TRIM14: variants seen among roughly 807,000 people sequenced by gnomAD.
TRIM14 encodes tripartite motif-containing protein 14.
A neutral mutation model predicts 44.5 loss-of-function variants in TRIM14; 28 were observed. The ratio of observed to expected loss-of-function variants is 0.63; its 90% CI spans 0.47 to 0.86. The LOEUF (loss-of-function observed/expected upper bound fraction) is 0.86. Among genes scored for constraint, TRIM14 ranks in the 40% least tolerant of loss-of-function variants. The probability of loss-of-function intolerance (pLI) is 0.00; values close to 1 mark genes in which losing one functional copy is unlikely to be tolerated. For synonymous variants in TRIM14, 299 were observed against 269.2 expected (o/e 1.11, Z -1.08); for missense variants, 607 against 611.1 (o/e 0.99, Z 0.07).
the TRIM14 span, among the ~76,000 whole-genome samples, chr9:98,036,573 G>A: frequency 6.6e-6 from 1 of 151,196 alleles, no homozygotes; most frequent in Non-Finnish European, 1.5e-5. Context: ...AGGTTCAGAT[G>A]GGTGGATCAC....
At chr9:98,076,849 T>C in intron 6 of TRIM14, 3 of 1,275,036 alleles carry the variant, frequency 2.4e-6, no homozygotes, top group Non-Finnish European at 3.4e-6. Context: ...TGTATGTTAT[T>C]CCTTGCCTGT....
the TRIM14 span, chr9:98,061,171 T>C: frequency 1.6e-6 from 1 of 637,728 alleles, no homozygotes; most frequent in Non-Finnish European, 2.7e-6. Context: ...AAGGATGCCA[T>C]TGTTTTAAAA....
chr9:98,089,070 G>C (rs1825906162), intron 5 of TRIM14, among the ~76,000 whole-genome samples: 1 of 152,194 alleles, frequency 6.6e-6, no homozygotes, highest in Non-Finnish European at 1.5e-5. Flanking sequence ...ACGTGTAACA[G>C]AGACTGAGTT....
At chr9:98,110,123 C>T (rs1209697759) in intron 1 of TRIM14, 139 bp from the exon 2 acceptor site, 5 of 657,100 alleles carry the variant, frequency 7.6e-6, no homozygotes, top group Non-Finnish European at 1.4e-5. Flanking sequence ...TGCCCAAAGT[C>T]ATATGGCAAG....
chr9:98,113,349 C>T (rs2118672102), intron 1 of TRIM14, among the ~76,000 whole-genome samples: 1 of 151,940 alleles, frequency 6.6e-6, no homozygotes, highest in Non-Finnish European at 1.5e-5. Context: ...TATACTAACA[C>T]CTAAGTAATT....
the TRIM14 span, chr9:98,061,156 G>T: frequency 6.0e-6 from 4 of 664,882 alleles, no homozygotes; most frequent in African/African-American, 7.3e-5. Context: ...GTGAGAATCT[G>T]TGGGAAGGAT....
Position 98,088,001 on chromosome 9 carries a change from C to G in TRIM14, c.798G>C (p.Ala266=), listed in dbSNP as rs762428217. The change falls in exon 6 of 6, where the codon GCG becomes GCC. Residue 266 remains alanine (A), a synonymous_variant. Coordinates refer to ENST00000341469, the MANE Select transcript of TRIM14 (RefSeq NM_014788.4). ...SPERSLLLKY[A]RTPTLDPDTM... is the part of the protein sequence containing the mutation. The stretch of plus-strand genomic sequence containing the variant: ...TGTCAGGATCCAGCGTGGGCGTGCG[C>G]GCGTCTGCAGGGGGCGAGACAAGGG... 3.3e-6 allele frequency: 5 copies of G among 1,538,132 alleles called. No homozygotes were observed. The highest frequency in any genetic ancestry group is 4.3e-6 in the Non-Finnish European group (5 of 1,155,308).
chr9:98,063,543 A>G, the TRIM14 span, among the ~76,000 whole-genome samples: 1 of 144,752 alleles, frequency 6.9e-6, no homozygotes, highest in African/African-American at 2.6e-5. Context: ...TGCCTGGCCT[A>G]GTTTTTTTTG....
chr9:98,100,428 G>A (rs964924255), intron 2 of TRIM14, among the ~76,000 whole-genome samples: 2 of 152,142 alleles, frequency 1.3e-5, no homozygotes, highest in Admixed American at 1.3e-4. Flanking sequence ...AACCATATTC[G>A]TGACTGGGAG....
the TRIM14 span, chr9:98,061,248 G>T: frequency 2.2e-6 from 1 of 458,700 alleles, no homozygotes; most frequent in East Asian, 3.9e-5. Context: ...AGACTGAGGG[G>T]GATGGATCAC....
Position 98,119,133 on chromosome 9 carries a change from C to T in TRIM14, c.56G>A (p.Gly19Glu), listed in dbSNP as rs1258856156. ...RTPGRSELVE[G>E]CGWRCPEHGD... ...ATGCTCCGGGCAGCGCCAGCCGCATCCCTCGACAAGCTCCGACCTCCCAGG... is the reference window on the plus strand; with the variant it reads ...ATGCTCCGGGCAGCGCCAGCCGCATTCCTCGACAAGCTCCGACCTCCCAGG... The change falls in exon 1 of 6, where the codon GGA becomes GAA. Residue 19 changes from glycine (G) to glutamate (E), a missense_variant. Physicochemically the swap from Gly to Glu is moderately conservative, Grantham distance 98. Around this residue, in one of 3 missense-constraint regions of TRIM14, gnomAD observed 246 missense variants for 270.8 expected, o/e 0.91. Transcript: ENST00000341469. 2 of 1,587,232 alleles carry T rather than the reference C, an allele frequency of 1.3e-6. No homozygotes were observed. Among genetic ancestry groups the T allele is most frequent in the Non-Finnish European group, 1.7e-6 (2 of 1,175,986 alleles).
rs116318938 is a variant in TRIM14 at position 98,091,848 on chromosome 9, T to A, written c.793+61A>T. 5.0e-4 allele frequency: 602 copies of A among 1,194,342 alleles called. 3 individuals are homozygous for A. In the African/African-American group the frequency reaches 8.3e-3, roughly 16 times the overall value. The allele number at this position is 1,194,342 out of a possible 1,614,324, so 74.0% of individuals were successfully genotyped here. On this transcript the variant is annotated intron_variant, in intron 5 of 5. Transcript: ENST00000341469. ...GGGACCTCCATTTCCATGATCCTCC[T>A]CCACCCAACATCCCACCATCTCCAC...
chr9:98,056,602 C>A, the TRIM14 span: 2 of 687,402 alleles, frequency 2.9e-6, no homozygotes, highest in Non-Finnish European at 4.5e-6. Context: ...CCGCCCTTCC[C>A]GCGGGAGGCC....
At chr9:98,092,741 C>T (rs1826043830) in intron 4 of TRIM14, among the ~76,000 whole-genome samples, 1 of 152,266 alleles carries the variant, frequency 6.6e-6, no homozygotes, top group Non-Finnish European at 1.5e-5. Flanking sequence ...ATGTAGCCAA[C>T]TGTTCAAATT....
chr9:98,068,736 C>T (rs532528418), downstream of TRIM14, among the ~76,000 whole-genome samples: 1 of 151,526 alleles, frequency 6.6e-6, no homozygotes, highest in South Asian at 2.1e-4. Context: ...CGGGAGGCTT[C>T]CTTGAACCCA....
At chr9:98,064,931 A>AT (rs948191746), downstream of TRIM14, among the ~76,000 whole-genome samples, 58 of 150,502 alleles carry the variant, frequency 3.9e-4, no homozygotes, top group Non-Finnish European at 7.4e-4. Flanking sequence ...GTGGGGACAG[A>AT]TTTTTTTTTT....
chr9:98,092,142 AG>A (rs1826017493), intron 4 of TRIM14, 141 bp from the exon 5 acceptor site: 1 of 578,348 alleles, frequency 1.7e-6, no homozygotes, highest in Non-Finnish European at 2.9e-6. Context: ...GTGAATTCAC[AG>A]GGACAGGAAA....
Position 98,085,417 on chromosome 9 carries a change from G to C in TRIM14, c.*2053C>G, listed in dbSNP as rs988282036. 2 of 152,224 alleles carry C rather than the reference G, an allele frequency of 1.3e-5. No individual in the cohort carries two copies. Among genetic ancestry groups the C allele is most frequent in the Non-Finnish European group, 2.9e-5 (2 of 68,058 alleles). 9.4% of individuals were successfully genotyped at this position (152,224 alleles called of 1,614,324 possible). A position where few individuals can be genotyped will look rare whatever the true frequency, so the allele number is the denominator to read the frequency against. ...GGAAAACTTTCTACCCTCTAGGGCT[G>C]ATGAAAGGATCAGATGAGTTTAGTC... On this transcript the variant is annotated 3_prime_UTR_variant, in exon 6 of 6. Coordinates refer to ENST00000341469, the MANE Select transcript of TRIM14 (RefSeq NM_014788.4).
the TRIM14 span, among the ~76,000 whole-genome samples, chr9:98,038,241 G>A: frequency 6.6e-6 from 1 of 151,898 alleles, no homozygotes; most frequent in African/African-American, 2.4e-5. Flanking sequence ...TAGTAGAGAT[G>A]GGTTTTCACC....
Sources: gnomAD v4.1 joint callset for allele counts (sites outside exome capture counted in the v4.1 genomes callset) on GRCh38, gnomAD v4.1.1 for gene constraint, gnomAD v4.1.1 regional missense constraint, MANE v1.5 for transcripts, NCBI Gene and HGNC (gene_info 2026-07-23, HGNC 2026-07-21) for gene names.